The following ROBO1 variants were observed in gnomAD, a reference collection of about 807,000 sequenced individuals.
ROBO1 encodes roundabout guidance receptor 1.
Under a neutral mutation model 195.9 loss-of-function variants are expected in ROBO1, and 149 were observed. The ratio of observed to expected loss-of-function variants is 0.76; its 90% CI spans 0.67 to 0.87. ROBO1 has a LOEUF of 0.87. Among genes scored for constraint, ROBO1 ranks in the 40% least tolerant of loss-of-function variants. ROBO1 has a pLI of 0.00. For synonymous variants in ROBO1, 816 were observed against 733.2 expected (o/e 1.11, Z -1.82); for missense variants, 1,933 against 2,068.3 (o/e 0.93, Z 1.27).
At chr3:79,015,336 C>T (rs908610633) in intron 3 of ROBO1, among the ~76,000 whole-genome samples, 26 of 151,434 alleles carry the variant, frequency 1.7e-4, no homozygotes, top group African/African-American at 5.8e-4. Context: ...AATAGTGAAA[C>T]TTATTTAAAA....
rs554168203 is a variant in ROBO1 at position 79,636,127 on chromosome 3, A to C, written c.-50-46166T>G. ...ATTATAAAATAAGTACTCTATAATT[A>C]AGTGTGGGGGAGAATTTAAGGATAA... On this transcript the variant is annotated intron_variant, in intron 1 of 30. Transcript: ENST00000464233. Among the ~76,000 whole-genome samples the C allele has an allele frequency of 2.6e-5, 4 of 152,258 alleles. No individual in the cohort carries two copies. The South Asian group carries it at 8.3e-4, about 32-fold the overall frequency.
At chr3:79,691,416 A>G (rs1280584621) in intron 1 of ROBO1, among the ~76,000 whole-genome samples, 2 of 151,710 alleles carry the variant, frequency 1.3e-5, no homozygotes, top group East Asian at 1.9e-4. Flanking sequence ...TTTACATAAT[A>G]GAGTATATGC....
At chr3:78,600,402 G>A in intron 29 of ROBO1, 93 bp from the exon 30 acceptor site, 1 of 803,122 alleles carries the variant, frequency 1.2e-6, no homozygotes, top group Non-Finnish European at 2.0e-6. Context: ...TTCTGAATAA[G>A]GAAGCATCAG....
chr3:79,765,252 A>C (rs534693821), intron 1 of ROBO1, among the ~76,000 whole-genome samples: 1 of 152,322 alleles, frequency 6.6e-6, no homozygotes, highest in African/African-American at 2.4e-5. Flanking sequence ...CGTGGCAACA[A>C]TATAAGGTGA....
chr3:78,746,659 T>A, intron 5 of ROBO1, 84 bp downstream of exon 5: 1 of 1,154,138 alleles, frequency 8.7e-7, no homozygotes, highest in Non-Finnish European at 1.1e-6. Flanking sequence ...GAAAATAATC[T>A]ACTTCATTTT....
intron 2 of ROBO1, among the ~76,000 whole-genome samples, chr3:79,423,763 T>A (rs1166637524): frequency 2.6e-5 from 4 of 151,988 alleles, no homozygotes; most frequent in Non-Finnish European, 5.9e-5. Context: ...TAAAGTGTAG[T>A]TTTTGCGGAA....
chr3:78,829,165 AATTTGT>A (rs1409949486), intron 4 of ROBO1, among the ~76,000 whole-genome samples: 1 of 152,138 alleles, frequency 6.6e-6, no homozygotes. Context: ...TAGGATAATA[AATTTGT>A]AATTACATTG....
intron 4 of ROBO1, among the ~76,000 whole-genome samples, chr3:78,852,061 T>C (rs1321067956): frequency 6.6e-6 from 1 of 152,116 alleles, no homozygotes; most frequent in Non-Finnish European, 1.5e-5. Context: ...ATAATGTGTA[T>C]AGTTATTCCC....
chr3:79,680,819 T>C (rs187736926), intron 1 of ROBO1, among the ~76,000 whole-genome samples: 73 of 152,048 alleles, frequency 4.8e-4, no homozygotes, highest in African/African-American at 1.8e-3. Flanking sequence ...ATTTAAAAAG[T>C]AATATTGAAG....
intron 4 of ROBO1, among the ~76,000 whole-genome samples, chr3:78,879,356 T>A (rs2036044168): frequency 6.6e-6 from 1 of 152,198 alleles, no homozygotes; most frequent in African/African-American, 2.4e-5. Context: ...ACATATATCA[T>A]GCCTACAAGC....
At chr3:79,425,094 A>G (rs1305281574) in intron 2 of ROBO1, among the ~76,000 whole-genome samples, 1 of 152,162 alleles carries the variant, frequency 6.6e-6, no homozygotes, top group East Asian at 1.9e-4. Context: ...TTACAATTCT[A>G]GAGGGGTGGC....
chr3:79,395,924 G>A (rs1382607426), intron 2 of ROBO1, among the ~76,000 whole-genome samples: 2 of 151,862 alleles, frequency 1.3e-5, no homozygotes, highest in African/African-American at 4.8e-5. Context: ...ACTTTGCATT[G>A]GAAATGCTAT....
At chr3:79,136,329 A>G (rs538187016) in intron 2 of ROBO1, among the ~76,000 whole-genome samples, 56 of 152,284 alleles carry the variant, frequency 3.7e-4, no homozygotes, top group Admixed American at 7.8e-4. Context: ...TCAGTTATGT[A>G]TAATAAAAAC....
At chr3:79,651,882 C>G (rs898606879) in intron 1 of ROBO1, among the ~76,000 whole-genome samples, 11 of 152,150 alleles carry the variant, frequency 7.2e-5, no homozygotes. Context: ...TTTATTTTTA[C>G]TGTAATTCAC....
intron 21 of ROBO1, among the ~76,000 whole-genome samples, chr3:78,645,378 T>C (rs1341758263): frequency 6.6e-6 from 1 of 151,944 alleles, no homozygotes; most frequent in African/African-American, 2.4e-5. Flanking sequence ...GTTCACTGAA[T>C]TTGAATTATA....
rs1037616 is a variant in ROBO1 at position 79,115,150 on chromosome 3, G to A, written c.172+10306C>T. 4.5e-3 allele frequency among the ~76,000 whole-genome samples: 685 copies of A among 152,240 alleles called. 1 individual carries two copies. Among genetic ancestry groups the A allele is most frequent in the African/African-American group, 0.016 (656 of 41,552 alleles). The stretch of plus-strand genomic sequence containing the variant: ...TACAACCATCATGAACTGGGTGATG[G>A]TTGATCTTTCAAATCACAAATGTGC... On this transcript the variant is annotated intron_variant, in intron 3 of 30. Coordinates refer to ENST00000464233, the MANE Select transcript of ROBO1 (RefSeq NM_002941.4).
intron 3 of ROBO1, among the ~76,000 whole-genome samples, chr3:79,102,181 T>A (rs1396789631): frequency 1.3e-5 from 2 of 151,858 alleles, no homozygotes; most frequent in African/African-American, 4.8e-5. Context: ...GCATACGATG[T>A]TTATTGTAAA....
chr3:78,698,539 G>A (rs2081351077), intron 8 of ROBO1, among the ~76,000 whole-genome samples: 1 of 152,074 alleles, frequency 6.6e-6, no homozygotes, highest in Admixed American at 6.6e-5. Context: ...AATGGTTCTG[G>A]AGACAATTTT....
Position 78,773,262 on chromosome 3 carries a change from G to T in ROBO1, c.500-26362C>A, listed in dbSNP as rs1408287567. 2.6e-5 allele frequency among the ~76,000 whole-genome samples: 4 copies of T among 151,944 alleles called. No individual in the cohort carries two copies. In the East Asian group the frequency reaches 7.7e-4, roughly 29 times the overall value. On this transcript the variant is annotated intron_variant, in intron 4 of 30. Transcript: ENST00000464233. The stretch of plus-strand genomic sequence containing the variant: ...AAAAATCAAGATACAAACCATATTG[G>T]TTTAATCCTAAAATCAGTATCAATT...
Sources: allele counts gnomAD v4.1 joint callset (sites outside exome capture counted in the v4.1 genomes callset), GRCh38; gene constraint gnomAD v4.1.1; transcripts MANE v1.5; gene names NCBI Gene and HGNC (gene_info 2026-07-23, HGNC 2026-07-21).